TNFRSF8: variants seen among roughly 807,000 people sequenced by gnomAD.
TNFRSF8 encodes tumor necrosis factor receptor superfamily member 8.
Under a neutral mutation model 70.8 loss-of-function variants are expected in TNFRSF8, and 26 were observed. The ratio of observed to expected loss-of-function variants is 0.37; its 90% CI spans 0.27 to 0.51. The LOEUF is 0.51. Ranked by LOEUF, TNFRSF8 falls within the 20% of genes least tolerant of loss-of-function variation. The pLI is 0.94. For missense variants in TNFRSF8, 720 were observed against 807.9 expected (o/e 0.89, Z 1.32); for synonymous variants, 356 against 339.2 (o/e 1.05, Z -0.54).
chr1:12,140,817 C>T (rs1014978146), intron 14 of TNFRSF8, among the ~76,000 whole-genome samples: 9 of 151,972 alleles, frequency 5.9e-5, no homozygotes, highest in African/African-American at 1.9e-4. Context: ...TCCCACCTGA[C>T]CCCACCCGCC....
intron 4 of TNFRSF8, 32 bp downstream of exon 4, chr1:12,104,563 G>A (rs750429815): frequency 6.2e-7 from 1 of 1,613,396 alleles, no homozygotes; most frequent in South Asian, 1.1e-5. Flanking sequence ...TCAGGACAGA[G>A]ATCTATGCTG....
At chr1:12,137,658 A>G (rs2101047157) in intron 13 of TNFRSF8, among the ~76,000 whole-genome samples, 1 of 151,950 alleles carries the variant, frequency 6.6e-6, no homozygotes, top group Admixed American at 6.6e-5. Context: ...TGTCACTTGA[A>G]CTAACAGTAG....
rs2101054135 is a variant in TNFRSF8 at position 12,142,186 on chromosome 1, G to C, written c.1544-101G>C. On this transcript the variant is annotated intron_variant, in intron 14 of 14. Coordinates refer to ENST00000263932, the MANE Select transcript of TNFRSF8 (RefSeq NM_001243.5). This position sits in a 1 kb window ranked among gnomAD's most constrained non-coding sequence, Gnocchi z 5.0. ...TGTGCCATCAGCCTGAAGCCACCCG[G>C]CAGGTGTACCAGCACTGGGCCTCGG... The C allele has an allele frequency of 6.9e-7, 1 of 1,445,712 alleles. No homozygotes were observed. The highest frequency in any genetic ancestry group is 9.2e-7 in the Non-Finnish European group (1 of 1,091,000). The allele number at this position is 1,445,712 out of a possible 1,614,324, so 89.6% of individuals were successfully genotyped here.
rs951366668 is a variant in TNFRSF8 at position 12,088,863 on chromosome 1, G to T, written c.151+4312G>T. Among the ~76,000 whole-genome samples, 4 of 152,210 alleles carry T rather than the reference G, an allele frequency of 2.6e-5. No individual in the cohort carries two copies. The highest frequency in any genetic ancestry group is 1.5e-5 in the Non-Finnish European group (1 of 68,034). On this transcript the variant is annotated intron_variant, in intron 2 of 14. Transcript: ENST00000263932. The surrounding 1 kb of genome is among the most constrained non-coding windows in gnomAD (Gnocchi z 4.0). ...GGCACGCCCATTTGGCATGACAGCTGCTGCCCCTGCCGCCTCCCCCTCCCC... is the reference window on the plus strand; with the variant it reads ...GGCACGCCCATTTGGCATGACAGCTTCTGCCCCTGCCGCCTCCCCCTCCCC...
chr1:12,093,742 T>C (rs1641283322), intron 2 of TNFRSF8, among the ~76,000 whole-genome samples: 1 of 152,110 alleles, frequency 6.6e-6, no homozygotes, highest in Non-Finnish European at 1.5e-5. Flanking sequence ...GGTTTCACCA[T>C]GTTGGTCAGG....
At chr1:12,075,199 G>A (rs1477120731) in intron 1 of TNFRSF8, among the ~76,000 whole-genome samples, 2 of 151,284 alleles carry the variant, frequency 1.3e-5, no homozygotes, top group African/African-American at 4.9e-5. Context: ...AGCCGAGATT[G>A]CACCACTACA....
At chr1:12,093,809 G>A (rs183806883) in intron 2 of TNFRSF8, among the ~76,000 whole-genome samples, 3,232 of 152,132 alleles carry the variant, frequency 0.021, 109 homozygotes, top group African/African-American at 0.074. Context: ...GGTGGCTCAC[G>A]CCTGTAATCC....
At chr1:12,121,929 A>G (rs1570060788) in intron 8 of TNFRSF8, among the ~76,000 whole-genome samples, 1 of 152,222 alleles carries the variant, frequency 6.6e-6, no homozygotes, top group East Asian at 1.9e-4. Context: ...AATATCAAAA[A>G]CATTATGCAG....
chr1:12,074,054 T>TCAACAATTGGG lies in TNFRSF8; in HGVS notation c.64-10400_64-10399insGCAACAATTGG, dbSNP rs777620169. On this transcript the variant is annotated intron_variant, in intron 1 of 14. Coordinates refer to ENST00000263932, the MANE Select transcript of TNFRSF8 (RefSeq NM_001243.5). ...TGGAATCTTCAGGATCCCTGCAGTC[T>TCAACAATTGGG]CAACAATTGGCTCATGGAGCCGGCA... 7.5e-4 allele frequency among the ~76,000 whole-genome samples: 114 copies of TCAACAATTGGG among 151,762 alleles called. 1 individual carries two copies. The highest frequency in any genetic ancestry group is 5.8e-4 in the East Asian group (3 of 5,162).
chr1:12,074,565 C>T (rs147675973), intron 1 of TNFRSF8, among the ~76,000 whole-genome samples: 1 of 152,154 alleles, frequency 6.6e-6, no homozygotes, highest in African/African-American at 2.4e-5. Context: ...CAGGCATGAG[C>T]CACCAGGCCC....
In TNFRSF8 at chr1:12,112,023, C is replaced by T; in HGVS notation, c.793+9C>T. 3 of 1,607,028 alleles carry T rather than the reference C, an allele frequency of 1.9e-6. No homozygotes were observed. The highest frequency in any genetic ancestry group is 2.2e-5 in the South Asian group (2 of 90,914). The stretch of plus-strand genomic sequence containing the variant: ...CGTGAGCTGTTCTCGAGGTAAGGGC[C>T]TCGTCCCTCCCCGGGCCTCAGTTTA... On this transcript the variant is annotated intron_variant, in intron 7 of 14. Transcript: ENST00000263932. The surrounding 1 kb of genome is among the most constrained non-coding windows in gnomAD (Gnocchi z 5.3).
At chr1:12,075,764 C>T (rs753105996) in intron 1 of TNFRSF8, among the ~76,000 whole-genome samples, 7 of 152,360 alleles carry the variant, frequency 4.6e-5, no homozygotes, top group Admixed American at 6.5e-5. Flanking sequence ...CAAGCATCGC[C>T]GTTTTAAATT....
Position 12,106,609 on chromosome 1 carries a change from T to A in TNFRSF8, c.421+2078T>A, listed in dbSNP as rs908663348. 2.0e-5 allele frequency among the ~76,000 whole-genome samples: 3 copies of A among 152,196 alleles called. No homozygotes were observed. In the Middle Eastern group the frequency reaches 0.01, roughly 518 times the overall value. On this transcript the variant is annotated intron_variant, in intron 4 of 14. Transcript: ENST00000263932. ...CATAGAGATTCATTGAATTAAGATA[T>A]GGGGACACCTGACAGGGAGCTCCGA...
In TNFRSF8 at chr1:12,138,906, G is replaced by T. The variant is rs1436445802; in HGVS notation, c.1543+470G>T. ...GTGAAGTGATTTTCCCCATTGCATG[G>T]CTACTAAGTGGCACAGCTGGAACTC... On this transcript the variant is annotated intron_variant, in intron 14 of 14. Coordinates refer to ENST00000263932, the MANE Select transcript of TNFRSF8 (RefSeq NM_001243.5). This position sits in a 1 kb window ranked among gnomAD's most constrained non-coding sequence, Gnocchi z 5.7. Among the ~76,000 whole-genome samples, 1 of 140,906 alleles carries T rather than the reference G, an allele frequency of 7.1e-6. No homozygotes were observed. Among genetic ancestry groups the T allele is most frequent in the Admixed American group, 7.0e-5 (1 of 14,220 alleles). 92.4% of individuals were successfully genotyped at this position (140,906 alleles called of 152,430 possible).
chr1:12,129,716 C>T (rs1014629036), intron 12 of TNFRSF8, among the ~76,000 whole-genome samples: 5 of 152,276 alleles, frequency 3.3e-5, no homozygotes, highest in Non-Finnish European at 5.9e-5. Context: ...TCTCTCAGGG[C>T]GTCCTGCCAG....
rs2297729 is a variant in TNFRSF8 at position 12,110,231 on chromosome 1, G to A, written c.676+27G>A. 124,464 of 1,557,224 alleles carry A rather than the reference G, an allele frequency of 0.08. 5,168 individuals carry two copies. Among genetic ancestry groups the A allele is most frequent in the East Asian group, 0.084 (3,724 of 44,236 alleles). On this transcript the variant is annotated intron_variant, in intron 6 of 14. Transcript: ENST00000263932. This position sits in a 1 kb window ranked among gnomAD's most constrained non-coding sequence, Gnocchi z 4.0. ...TAATTTCCCCATGAAGCTGTGGGTC[G>A]TCTCCCTGGGGTGCTCGATTGGTGG...
At chr1:12,135,465 C>T in intron 12 of TNFRSF8, 123 bp from the exon 13 acceptor site, 1 of 1,387,726 alleles carries the variant, frequency 7.2e-7, no homozygotes, top group East Asian at 2.4e-5. Context: ...GACTGAGGAC[C>T]TGACCCCTGG....
rs777462061 is a variant in TNFRSF8 at position 12,126,060 on chromosome 1, G to A, written c.1255+8G>A. 15 of 1,613,988 alleles carry A rather than the reference G, an allele frequency of 9.3e-6. No individual in the cohort carries two copies. The Admixed American group carries it at 1.3e-4, about 14-fold the overall frequency. ...GGAAGCGAATTCGGCAGAGTAAGTG[G>A]CTGTGTCCTTGGGGCCTTGGGGAGG... On this transcript the variant is annotated splice_region_variant and intron_variant, in intron 11 of 14. Transcript: ENST00000263932.
Position 12,142,214 on chromosome 1 carries a change from C to T in TNFRSF8, c.1544-73C>T. 1.3e-6 allele frequency: 2 copies of T among 1,483,984 alleles called. No individual in the cohort carries two copies. The highest frequency in any genetic ancestry group is 1.8e-6 in the Non-Finnish European group (2 of 1,111,730). The allele number at this position is 1,483,984 out of a possible 1,614,324, so 91.9% of individuals were successfully genotyped here. A position where few individuals can be genotyped will look rare whatever the true frequency, so the allele number is the denominator to read the frequency against. ...GGTGTACCAGCACTGGGCCTCGGCCCTTCTCTGCCTCTTTGCTCCCATCCT... is the reference window on the plus strand; with the variant it reads ...GGTGTACCAGCACTGGGCCTCGGCCTTTCTCTGCCTCTTTGCTCCCATCCT... On this transcript the variant is annotated intron_variant, in intron 14 of 14. Coordinates refer to ENST00000263932, the MANE Select transcript of TNFRSF8 (RefSeq NM_001243.5). This position sits in a 1 kb window ranked among gnomAD's most constrained non-coding sequence, Gnocchi z 5.0.
Sources: allele counts gnomAD v4.1 joint callset (sites outside exome capture counted in the v4.1 genomes callset), GRCh38; gene constraint gnomAD v4.1.1; non-coding constraint Gnocchi (gnomAD v3.1); transcripts MANE v1.5; gene names NCBI Gene and HGNC (gene_info 2026-07-23, HGNC 2026-07-21).